Variants in RNF169 observed in about 807,000 individuals in gnomAD.
The protein encoded by RNF169 is ring finger protein 169, also known as E3 ubiquitin-protein ligase RNF169.
RNF169 carries 24 observed loss-of-function variants against 53.9 expected under a neutral mutation model. The ratio of observed to expected loss-of-function variants is 0.45; its 90% CI spans 0.32 to 0.63. RNF169 has a LOEUF of 0.63. Ranked by LOEUF, RNF169 falls within the 20% of genes least tolerant of loss-of-function variation. RNF169 has a pLI of 0.04. For missense variants in RNF169, 883 were observed against 906.2 expected (o/e 0.97, Z 0.33); for synonymous variants, 396 against 363.5 (o/e 1.09, Z -1.02).
intron 2 of RNF169, among the ~76,000 whole-genome samples, chr11:74,798,179 A>T (rs1490580428): frequency 6.6e-6 from 1 of 152,272 alleles, no homozygotes; most frequent in African/African-American, 2.4e-5. Context: ...AGCAATGTTT[A>T]GGAAACGAGA....
chr11:74,771,358 A>G (rs1049665231), intron 1 of RNF169, among the ~76,000 whole-genome samples: 3 of 152,208 alleles, frequency 2.0e-5, no homozygotes, highest in African/African-American at 7.2e-5. Context: ...ACAAGTGGAA[A>G]ATTCTACATA....
At chr11:74,758,593 C>A (rs1289937930) in intron 1 of RNF169, among the ~76,000 whole-genome samples, 9 of 151,772 alleles carry the variant, frequency 5.9e-5, no homozygotes, top group African/African-American at 2.2e-4. Context: ...GCTCCGCCTC[C>A]CGGTTTCACG....
intron 1 of RNF169, among the ~76,000 whole-genome samples, chr11:74,767,014 A>AT (rs915924130): frequency 9.2e-5 from 14 of 151,976 alleles, no homozygotes; most frequent in African/African-American, 3.4e-4. Context: ...CTTTTTTTCT[A>AT]TTTTTTGTGG....
chr11:74,770,791 C>T (rs962844303), intron 1 of RNF169, among the ~76,000 whole-genome samples: 1 of 152,074 alleles, frequency 6.6e-6, no homozygotes, highest in Non-Finnish European at 1.5e-5. Flanking sequence ...TTACCACATG[C>T]ATTTTTCGTT....
intron 1 of RNF169, among the ~76,000 whole-genome samples, chr11:74,774,149 G>C (rs559743505): frequency 6.6e-6 from 1 of 152,208 alleles, no homozygotes; most frequent in South Asian, 2.1e-4. Context: ...AGACCAGCCT[G>C]GCCAACATGG....
chr11:74,791,221 T>C (rs2035575733), intron 2 of RNF169, among the ~76,000 whole-genome samples: 1 of 152,058 alleles, frequency 6.6e-6, no homozygotes, highest in African/African-American at 2.4e-5. Flanking sequence ...TCTGCCGGAG[T>C]CTGGCTGAGT....
intron 1 of RNF169, among the ~76,000 whole-genome samples, chr11:74,763,364 A>T (rs1358007443): frequency 6.6e-6 from 1 of 152,206 alleles, no homozygotes; most frequent in South Asian, 2.1e-4. Flanking sequence ...GAGTCAGCAG[A>T]TAGAACAAGC....
intron 1 of RNF169, among the ~76,000 whole-genome samples, chr11:74,751,839 C>T (rs893264188): frequency 2.6e-5 from 4 of 152,134 alleles, no homozygotes; most frequent in African/African-American, 9.7e-5. Flanking sequence ...AGTGGGTTGT[C>T]TGATCCTCTT....
chr11:74,816,779 A>G (rs958064272), intron 3 of RNF169, among the ~76,000 whole-genome samples: 3 of 152,236 alleles, frequency 2.0e-5, no homozygotes, highest in African/African-American at 7.2e-5. Context: ...AGGGAGTTCC[A>G]TGTGTGGGAA....
At chr11:74,749,503 AT>A in intron 1 of RNF169, 121 bp downstream of exon 1, 1 of 854,006 alleles carries the variant, frequency 1.2e-6, no homozygotes, top group Non-Finnish European at 1.5e-6. Context: ...TTCTCGTGGG[AT>A]TAGAACCCGG....
At position 74,835,893 on chromosome 11, in the gene RNF169, C is replaced by T. The variant is rs1407257290; in HGVS notation, c.1290C>T (p.Ile430=). The change falls in exon 6 of 6, where the codon ATC becomes ATT. Residue 430 remains isoleucine (I), a synonymous_variant. Coordinates refer to ENST00000299563, the MANE Select transcript of RNF169 (RefSeq NM_001098638.2). ...KQTSYEASPR[I]LKKWEQIFQE... ...CTTCTTATGAGGCCAGTCCACGGAT[C>T]CTCAAAAAGTGGGAACAGATCTTTC... 6.2e-7 allele frequency: 1 copy of T among 1,614,026 alleles called. No individual in the cohort carries two copies. Among genetic ancestry groups the T allele is most frequent in the Non-Finnish European group, 8.5e-7 (1 of 1,180,028 alleles).
At chr11:74,811,630 T>G (rs1234483087) in intron 3 of RNF169, among the ~76,000 whole-genome samples, 1 of 152,186 alleles carries the variant, frequency 6.6e-6, no homozygotes, top group Non-Finnish European at 1.5e-5. Flanking sequence ...CACATACATG[T>G]GCAGCTTCTG....
At position 74,749,212 on chromosome 11, in the gene RNF169, C is replaced by T; in HGVS notation, c.332C>T (p.Pro111Leu). ...PGCPRCRARG[P>L]GWARRRARDD... Reference sequence around the variant, plus strand: ...TGCCCTCGCTGCCGCGCCCGCGGCCCAGGCTGGGCCCGCCGTCGGGCCCGC... The same window carrying T: ...TGCCCTCGCTGCCGCGCCCGCGGCCTAGGCTGGGCCCGCCGTCGGGCCCGC... Residue 111 changes from proline (P) to leucine (L), a missense_variant, in exon 1 of 6, where the codon CCA (proline) becomes CTA (leucine). By Grantham distance (98) the Pro-to-Leu change is moderately conservative. Around this residue, in one of 3 missense-constraint regions of RNF169, gnomAD observed 313 missense variants for 279.9 expected, o/e 1.12. Coordinates refer to ENST00000299563, the MANE Select transcript of RNF169 (RefSeq NM_001098638.2). 13 of 1,098,776 alleles carry T rather than the reference C, an allele frequency of 1.2e-5. No homozygotes were observed. Among genetic ancestry groups the T allele is most frequent in the Non-Finnish European group, 1.4e-5 (13 of 905,296 alleles). The allele number at this position is 1,098,776 out of a possible 1,614,324, so 68.1% of individuals were successfully genotyped here. A position where few individuals can be genotyped will look rare whatever the true frequency, so the allele number is the denominator to read the frequency against.
At position 74,841,549 on chromosome 11, in the gene RNF169, C is replaced by T. The variant is rs568400291; in HGVS notation, c.*4819C>T. On this transcript the variant is annotated 3_prime_UTR_variant, in exon 6 of 6. Coordinates refer to ENST00000299563, the MANE Select transcript of RNF169 (RefSeq NM_001098638.2). ...TTTTTCCTCTTAAGAAAAAAATTTA[C>T]TCTCTCTCCTTTGTGAGTAAATGCC... The T allele has an allele frequency of 2.6e-5, 4 of 152,234 alleles. No individual in the cohort carries two copies. Among genetic ancestry groups the T allele is most frequent in the African/African-American group, 9.6e-5 (4 of 41,540 alleles). The allele number at this position is 152,234 out of a possible 1,614,324, so 9.4% of individuals were successfully genotyped here.
At chr11:74,772,630 G>T (rs2035277231) in intron 1 of RNF169, among the ~76,000 whole-genome samples, 1 of 152,042 alleles carries the variant, frequency 6.6e-6, no homozygotes, top group Non-Finnish European at 1.5e-5. Context: ...AGAGCGTTTA[G>T]CTTTTCTGAG....
At chr11:74,783,409 G>A (rs187198743) in intron 1 of RNF169, among the ~76,000 whole-genome samples, 2 of 152,268 alleles carry the variant, frequency 1.3e-5, no homozygotes, top group East Asian at 1.9e-4. Flanking sequence ...TCCTTAGAGC[G>A]TTGCTCTTCC....
intron 1 of RNF169, among the ~76,000 whole-genome samples, chr11:74,786,563 ATTATCTTTG>A (rs2035507182): frequency 6.6e-6 from 1 of 152,036 alleles, no homozygotes; most frequent in South Asian, 2.1e-4. Flanking sequence ...ACTCCTGGAG[ATTATCTTTG>A]TTTCTTATAG....
intron 1 of RNF169, among the ~76,000 whole-genome samples, chr11:74,768,606 TAAAA>T (rs35118389): frequency 7.6e-6 from 1 of 131,356 alleles, no homozygotes; most frequent in African/African-American, 2.8e-5. Flanking sequence ...GACTCTGTCT[TAAAA>T]AAAAAAAAAA....
intron 2 of RNF169, among the ~76,000 whole-genome samples, chr11:74,794,398 G>A (rs1766303993): frequency 6.6e-6 from 1 of 152,190 alleles, no homozygotes; most frequent in Non-Finnish European, 1.5e-5. Context: ...GGATGTGATA[G>A]TGAAAGAGTT....
Sources: gnomAD v4.1 joint callset for allele counts (sites outside exome capture counted in the v4.1 genomes callset) on GRCh38, gnomAD v4.1.1 for gene constraint, gnomAD v4.1.1 regional missense constraint, MANE v1.5 for transcripts, NCBI Gene and HGNC (gene_info 2026-07-23, HGNC 2026-07-21) for gene names.